PBX1: variants seen among roughly 807,000 people sequenced by gnomAD.
The protein encoded by PBX1 is PBX homeobox 1, also known as pre-B-cell leukemia transcription factor 1.
A neutral mutation model predicts 53.4 loss-of-function variants in PBX1; 6 were observed. The observed-to-expected ratio is 0.11, with a 90% CI of 0.06 to 0.22. The LOEUF is 0.22. PBX1 is among the 10% of genes least tolerant of loss of function. The pLI, the probability that PBX1 is intolerant of heterozygous loss-of-function variation, is 1.00. For missense variants in PBX1, 251 were observed against 551.4 expected, an observed-to-expected ratio of 0.46 and a Z score of 5.46; for synonymous variants, 204 against 212.3, an observed-to-expected ratio of 0.96 and a Z score of 0.34.
chr1:164,674,975 T>C (rs1270777754), intron 2 of PBX1, among the ~76,000 whole-genome samples: 1 of 151,768 alleles, frequency 6.6e-6, no homozygotes, highest in South Asian at 2.1e-4. Flanking sequence ...AATACTTTCA[T>C]TGATACTGCT....
intron 2 of PBX1, among the ~76,000 whole-genome samples, chr1:164,774,910 G>A (rs1667568424): frequency 1.3e-5 from 2 of 152,174 alleles, no homozygotes; most frequent in Non-Finnish European, 2.9e-5. Flanking sequence ...TACACTTCAC[G>A]GCTGTAATTC....
At chr1:164,864,426 C>A (rs186400735) in intron 2 of PBX1, among the ~76,000 whole-genome samples, 1 of 152,298 alleles carries the variant, frequency 6.6e-6, no homozygotes, top group East Asian at 1.9e-4. Flanking sequence ...ACGGAATGAA[C>A]TGTGGCGCTC....
chr1:164,644,462 G>A (rs1403774981), intron 2 of PBX1, among the ~76,000 whole-genome samples: 2 of 152,144 alleles, frequency 1.3e-5, no homozygotes, highest in African/African-American at 2.4e-5. Context: ...CTCTAAGAGA[G>A]CCTGCCACCC....
intron 2 of PBX1, among the ~76,000 whole-genome samples, chr1:164,768,404 C>T (rs1332660879): frequency 2.0e-5 from 3 of 152,192 alleles, no homozygotes; most frequent in East Asian, 3.9e-4. Flanking sequence ...CAAAGCAATC[C>T]AGCCCCTCAA....
intron 2 of PBX1, among the ~76,000 whole-genome samples, chr1:164,750,478 T>A (rs189860316): frequency 2.9e-3 from 435 of 149,836 alleles, no homozygotes; most frequent in African/African-American, 9.7e-3. Flanking sequence ...CTTAAAAAAA[T>A]TTTTTTTAAG....
chr1:164,712,489 A>G (rs2102078206), intron 2 of PBX1, among the ~76,000 whole-genome samples: 1 of 152,334 alleles, frequency 6.6e-6, no homozygotes, highest in Non-Finnish European at 1.5e-5. Context: ...ATCTGTGAGC[A>G]CAGGAGCCCA....
intron 2 of PBX1, among the ~76,000 whole-genome samples, chr1:164,675,143 A>C (rs1409795485): frequency 3.9e-5 from 6 of 152,092 alleles, no homozygotes; most frequent in Non-Finnish European, 5.9e-5. Flanking sequence ...GTCTTTAATT[A>C]TTGGTCCTGG....
At chr1:164,844,465 A>G (rs1282743674) in intron 8 of PBX1, among the ~76,000 whole-genome samples, 1 of 152,168 alleles carries the variant, frequency 6.6e-6, no homozygotes. Context: ...AAACATTCAC[A>G]TATAAAAATG....
chr1:164,838,888 G>C (rs1214536674), intron 8 of PBX1, among the ~76,000 whole-genome samples: 1 of 152,210 alleles, frequency 6.6e-6, no homozygotes, highest in African/African-American at 2.4e-5. Context: ...TTGAGCAGCT[G>C]CTGTGTCAAA....
At chr1:164,644,253 T>C (rs1659316239) in intron 2 of PBX1, among the ~76,000 whole-genome samples, 1 of 152,252 alleles carries the variant, frequency 6.6e-6, no homozygotes, top group African/African-American at 2.4e-5. Flanking sequence ...CACAGTTAAA[T>C]TTCTGTTTCT....
chr1:164,759,720 C>T (rs549217956), intron 2 of PBX1, among the ~76,000 whole-genome samples: 4 of 152,192 alleles, frequency 2.6e-5, no homozygotes, highest in African/African-American at 7.2e-5. Context: ...GGTGGACAAT[C>T]GGGGACATGG....
chr1:164,783,388 G>C (rs1345786241), intron 2 of PBX1, among the ~76,000 whole-genome samples: 1 of 151,836 alleles, frequency 6.6e-6, no homozygotes, highest in Non-Finnish European at 1.5e-5. Context: ...GGGGTGGGGG[G>C]TGTCTGTGTG....
Position 164,847,452 on chromosome 1 carries a change from G to A in PBX1, c.*776G>A. 1.9e-6 allele frequency: 2 copies of A among 1,063,236 alleles called. No individual in the cohort carries two copies. The highest frequency in any genetic ancestry group is 2.3e-6 in the Non-Finnish European group (2 of 877,968). The allele number at this position is 1,063,236 out of a possible 1,614,324, so 65.9% of individuals were successfully genotyped here. A position where few individuals can be genotyped will look rare whatever the true frequency, so the allele number is the denominator to read the frequency against. Reference sequence around the variant, plus strand: ...AGTCTTTCTTACCCTGCTAGCAATAGCTCTCAGTTTCAGAGGCACAGTCTT... The same window carrying A: ...AGTCTTTCTTACCCTGCTAGCAATAACTCTCAGTTTCAGAGGCACAGTCTT... On this transcript the variant is annotated 3_prime_UTR_variant, in exon 9 of 9. Coordinates refer to ENST00000420696, the MANE Select transcript of PBX1 (RefSeq NM_002585.4).
At chr1:164,603,016 CTT>C (rs1656285201) in intron 2 of PBX1, among the ~76,000 whole-genome samples, 2 of 152,134 alleles carry the variant, frequency 1.3e-5, no homozygotes, top group Admixed American at 1.3e-4. Context: ...CTTTTTTCGT[CTT>C]TTCTTCTGCA....
At chr1:164,740,411 C>A (rs1169618781) in intron 2 of PBX1, among the ~76,000 whole-genome samples, 1 of 151,838 alleles carries the variant, frequency 6.6e-6, no homozygotes, top group Non-Finnish European at 1.5e-5. Context: ...AGGGAACTCA[C>A]AATCTAGTAG....
intron 2 of PBX1, among the ~76,000 whole-genome samples, chr1:164,733,275 G>A (rs957512058): frequency 2.0e-5 from 3 of 152,070 alleles, no homozygotes; most frequent in South Asian, 2.1e-4. Context: ...TCTTGATGTC[G>A]GACCTTGTGA....
chr1:164,821,016 G>A (rs973631690), intron 7 of PBX1, among the ~76,000 whole-genome samples: 1 of 152,118 alleles, frequency 6.6e-6, no homozygotes, highest in Non-Finnish European at 1.5e-5. Context: ...GAAGTGATAT[G>A]GTCAGGCTTT....
intron 2 of PBX1, among the ~76,000 whole-genome samples, chr1:164,763,693 C>G (rs921967316): frequency 6.6e-6 from 1 of 152,158 alleles, no homozygotes; most frequent in Non-Finnish European, 1.5e-5. Context: ...AAAGGCAAAT[C>G]TTGATCGTAT....
Position 164,847,843 on chromosome 1 carries a change from AC to A in PBX1, c.*1168del, listed in dbSNP as rs1487071775. Reference sequence around the variant, plus strand: ...TAGCGTGCACTTACCAGAATGGCATACACAGGACCTGATCATGAGGAAGACC... The same window carrying A: ...TAGCGTGCACTTACCAGAATGGCATAACAGGACCTGATCATGAGGAAGACC... On this transcript the variant is annotated 3_prime_UTR_variant, in exon 9 of 9. Transcript: ENST00000420696. The A allele has an allele frequency of 3.0e-5, 32 of 1,055,408 alleles. No homozygotes were observed. The highest frequency in any genetic ancestry group is 4.3e-4 in the Middle Eastern group (1 of 2,352). The allele number at this position is 1,055,408 out of a possible 1,614,324, so 65.4% of individuals were successfully genotyped here.
Sources: gnomAD v4.1 joint callset for allele counts (sites outside exome capture counted in the v4.1 genomes callset) on GRCh38, gnomAD v4.1.1 for gene constraint, MANE v1.5 for transcripts, NCBI Gene and HGNC (gene_info 2026-07-23, HGNC 2026-07-21) for gene names.